The following TMEM244 variants were observed in gnomAD, a reference collection of about 807,000 sequenced individuals.
TMEM244 encodes the protein putative transmembrane protein 244.
Under a neutral mutation model 15.8 loss-of-function variants are expected in TMEM244, and 13 were observed. The observed-to-expected ratio is 0.82, with a 90% CI of 0.53 to 1.30. TMEM244 has a LOEUF of 1.30. Among genes scored for constraint, TMEM244 ranks in the 50% most tolerant of loss-of-function variants. The probability of loss-of-function intolerance (pLI) is 0.00; values close to 1 mark genes in which losing one functional copy is unlikely to be tolerated. For missense variants in TMEM244, 161 were observed against 144.9 expected, an observed-to-expected ratio of 1.11 and a Z score of -0.57; for synonymous variants, 45 against 48.7, an observed-to-expected ratio of 0.92 and a Z score of 0.32.
At chr6:129,859,040 C>T (rs1021023291) in intron 1 of TMEM244, among the ~76,000 whole-genome samples, 3 of 152,030 alleles carry the variant, frequency 2.0e-5, no homozygotes, top group East Asian at 1.9e-4. Context: ...AGTGATCGTC[C>T]GGTTTGGCCT....
At chr6:129,833,724 A>G (rs1052449725) in intron 3 of TMEM244, 139 bp from the exon 4 acceptor site, 55 of 825,496 alleles carry the variant, frequency 6.7e-5, no homozygotes, top group Non-Finnish European at 9.5e-5. Flanking sequence ...TTTCCTAACA[A>G]TCCTCAAATT....
At chr6:129,856,354 C>G (rs1421948150) in intron 1 of TMEM244, among the ~76,000 whole-genome samples, 1 of 152,096 alleles carries the variant, frequency 6.6e-6, no homozygotes, top group Admixed American at 6.6e-5. Flanking sequence ...GAGCTATCTA[C>G]TCATGAATCA....
intron 1 of TMEM244, among the ~76,000 whole-genome samples, chr6:129,859,364 G>C (rs530409452): frequency 6.6e-6 from 1 of 152,272 alleles, no homozygotes; most frequent in East Asian, 1.9e-4. Context: ...GACAATTCCT[G>C]GAGAAATCAT....
intron 1 of TMEM244, among the ~76,000 whole-genome samples, chr6:129,853,829 T>C (rs1389407543): frequency 1.3e-5 from 2 of 152,192 alleles, no homozygotes; most frequent in Non-Finnish European, 2.9e-5. Flanking sequence ...GTGGCATCCC[T>C]AAGGATTCAG....
intron 1 of TMEM244, among the ~76,000 whole-genome samples, chr6:129,858,371 A>G (rs1776748313): frequency 6.6e-6 from 1 of 152,092 alleles, no homozygotes; most frequent in South Asian, 2.1e-4. Context: ...TTCTCCATTT[A>G]GTCTATGGAA....
At chr6:129,841,268 T>C (rs1263829867) in intron 3 of TMEM244, among the ~76,000 whole-genome samples, 2 of 152,102 alleles carry the variant, frequency 1.3e-5, no homozygotes, top group Non-Finnish European at 1.5e-5. Flanking sequence ...TTCATGTCCT[T>C]TGTAGGGACA....
intron 1 of TMEM244, among the ~76,000 whole-genome samples, chr6:129,854,002 C>T (rs1776670961): frequency 6.6e-6 from 1 of 152,170 alleles, no homozygotes; most frequent in Non-Finnish European, 1.5e-5. Context: ...TTGAGTTTTT[C>T]TTGTTGTCGC....
chr6:129,850,622 C>T (rs150180414), intron 1 of TMEM244, among the ~76,000 whole-genome samples: 3 of 151,950 alleles, frequency 2.0e-5, no homozygotes, highest in African/African-American at 7.3e-5. Flanking sequence ...CAATGCAAGC[C>T]ACATATGTAA....
At chr6:129,841,860 T>A (rs1776495622) in intron 3 of TMEM244, among the ~76,000 whole-genome samples, 1 of 152,152 alleles carries the variant, frequency 6.6e-6, no homozygotes, top group African/African-American at 2.4e-5. Flanking sequence ...AATAAATACA[T>A]GCCAAAGTCT....
chr6:129,858,117 G>A (rs987736939), intron 1 of TMEM244, among the ~76,000 whole-genome samples: 4 of 151,900 alleles, frequency 2.6e-5, no homozygotes, highest in Admixed American at 6.6e-5. Context: ...ACGAGTTCTT[G>A]GGTTCTGTTT....
At chr6:129,855,687 A>C (rs1413908411) in intron 1 of TMEM244, among the ~76,000 whole-genome samples, 1 of 152,140 alleles carries the variant, frequency 6.6e-6, no homozygotes, top group Non-Finnish European at 1.5e-5. Flanking sequence ...TCATGATCAG[A>C]TTCTTCGGAG....
chr6:129,845,630 A>T, intron 2 of TMEM244, 137 bp downstream of exon 2: 1 of 717,536 alleles, frequency 1.4e-6, no homozygotes, highest in Non-Finnish European at 2.3e-6. Context: ...AATAAAAAAT[A>T]AATAAAAGTA....
chr6:129,845,227 A>T (rs1022044463), intron 2 of TMEM244, among the ~76,000 whole-genome samples: 1 of 152,182 alleles, frequency 6.6e-6, no homozygotes, highest in Non-Finnish European at 1.5e-5. Context: ...TTGGGTCAGA[A>T]TGTAGGTCTC....
At chr6:129,835,975 T>G (rs4470873) in intron 3 of TMEM244, among the ~76,000 whole-genome samples, 55,781 of 151,994 alleles carry the variant, frequency 0.37, 10,645 homozygotes, top group South Asian at 0.5. Context: ...TTCTACCTCT[T>G]GGGGTAGGGC....
intron 3 of TMEM244, among the ~76,000 whole-genome samples, chr6:129,836,786 C>G (rs1180943491): frequency 6.6e-6 from 1 of 151,994 alleles, no homozygotes; most frequent in Admixed American, 6.5e-5. Flanking sequence ...CATGCATAAG[C>G]TTTAATAGGT....
chr6:129,833,018 T>C (rs1196564975), intron 4 of TMEM244, among the ~76,000 whole-genome samples: 1 of 152,082 alleles, frequency 6.6e-6, no homozygotes, highest in Non-Finnish European at 1.5e-5. Context: ...TCAGTTTAGT[T>C]CTGAATCAGA....
At chr6:129,854,143 G>A (rs975538629) in intron 1 of TMEM244, among the ~76,000 whole-genome samples, 2 of 152,208 alleles carry the variant, frequency 1.3e-5, no homozygotes, top group Non-Finnish European at 2.9e-5. Context: ...CTGGGAGGAA[G>A]AGATGTGTCC....
At chr6:129,859,390 C>T (rs1330909060) in intron 1 of TMEM244, among the ~76,000 whole-genome samples, 1 of 152,236 alleles carries the variant, frequency 6.6e-6, no homozygotes, top group Non-Finnish European at 1.5e-5. Flanking sequence ...ATGACTCTCT[C>T]ACTTGTAGAA....
At chr6:129,846,189 G>A (rs995428054) in intron 1 of TMEM244, among the ~76,000 whole-genome samples, 2 of 152,062 alleles carry the variant, frequency 1.3e-5, no homozygotes, top group Admixed American at 1.3e-4. Context: ...ATAATACATA[G>A]TCTCTATATT....
Sources: gnomAD v4.1 joint callset for allele counts (sites outside exome capture counted in the v4.1 genomes callset) on GRCh38, gnomAD v4.1.1 for gene constraint, MANE v1.5 for transcripts, NCBI Gene and HGNC (gene_info 2026-07-23, HGNC 2026-07-21) for gene names.